HIP1: variants seen among roughly 807,000 people sequenced by gnomAD.
The protein encoded by HIP1 is huntingtin interacting protein 1.
A neutral mutation model predicts 147.6 loss-of-function variants in HIP1; 65 were observed. That is an observed-to-expected ratio of 0.44 (90% confidence interval 0.36 to 0.54). HIP1 has a LOEUF of 0.54. Among genes scored for constraint, HIP1 ranks in the 20% least tolerant of loss-of-function variants. HIP1 has a pLI of 0.00. For missense variants in HIP1, 1,061 were observed against 1,299.6 expected (o/e 0.82, Z 2.82); for synonymous variants, 479 against 504.0 (o/e 0.95, Z 0.67).
chr7:75,541,294 G>A (rs587696492), intron 29 of HIP1, among the ~76,000 whole-genome samples: 2 of 152,240 alleles, frequency 1.3e-5, no homozygotes, highest in Admixed American at 6.5e-5. Context: ...AGTTTGGGAG[G>A]CCAAGGCAGG....
At chr7:75,723,947 TATAG>T (rs1292166799) in intron 1 of HIP1, among the ~76,000 whole-genome samples, 9 of 133,668 alleles carry the variant, frequency 6.7e-5, no homozygotes, top group Non-Finnish European at 1.1e-4. Context: ...TTTATATATA[TATAG>T]AGAGAGAGAG....
At chr7:75,609,180 G>C (rs1797335108) in intron 1 of HIP1, among the ~76,000 whole-genome samples, 1 of 152,120 alleles carries the variant, frequency 6.6e-6, no homozygotes. Flanking sequence ...CTCTGGGGGG[G>C]CTCACAAGAG....
At chr7:75,730,978 G>T (rs574114019) in intron 1 of HIP1, among the ~76,000 whole-genome samples, 1 of 149,076 alleles carries the variant, frequency 6.7e-6, no homozygotes, top group African/African-American at 2.5e-5. Flanking sequence ...CAAGTGATCC[G>T]CCCGCCTCAG....
At chr7:75,731,478 C>CAAA (rs1214036700) in intron 1 of HIP1, among the ~76,000 whole-genome samples, 16 of 36,264 alleles carry the variant, frequency 4.4e-4, no homozygotes, top group South Asian at 1.1e-3. Context: ...GACTCCAACT[C>CAAA]AAAAAAAAAA....
At chr7:75,561,491 G>C in intron 12 of HIP1, 90 bp from the exon 13 acceptor site, 1 of 852,148 alleles carries the variant, frequency 1.2e-6, no homozygotes, top group Non-Finnish European at 2.0e-6. Flanking sequence ...TTAAAAGCTG[G>C]TATTAATTTG....
intron 1 of HIP1, among the ~76,000 whole-genome samples, chr7:75,644,773 A>G (rs1798752716): frequency 6.6e-6 from 1 of 152,080 alleles, no homozygotes; most frequent in Non-Finnish European, 1.5e-5. Flanking sequence ...ACACTAGCTG[A>G]GTGATTCCTC....
chr7:75,579,186 G>A (rs1795950329), intron 7 of HIP1, among the ~76,000 whole-genome samples: 2 of 152,038 alleles, frequency 1.3e-5, no homozygotes, highest in African/African-American at 4.8e-5. Context: ...ATAGCTTAGG[G>A]CATAGACTAG....
At chr7:75,639,627 G>C (rs1798579117) in intron 1 of HIP1, among the ~76,000 whole-genome samples, 1 of 151,786 alleles carries the variant, frequency 6.6e-6, no homozygotes, top group South Asian at 2.1e-4. Context: ...GCGTGTGCAT[G>C]CATGCGTGTG....
At chr7:75,593,874 T>C (rs1207214265) in intron 2 of HIP1, among the ~76,000 whole-genome samples, 3 of 151,962 alleles carry the variant, frequency 2.0e-5, no homozygotes, top group Non-Finnish European at 4.4e-5. Context: ...AGGGGCACCT[T>C]CAATCTCTCC....
chr7:75,581,367 C>T lies in HIP1; in HGVS notation c.543-69G>A. 7.9e-6 allele frequency: 9 copies of T among 1,133,308 alleles called. No homozygotes were observed. The East Asian group carries it at 9.8e-5, about 12-fold the overall frequency. The allele number at this position is 1,133,308 out of a possible 1,614,324, so 70.2% of individuals were successfully genotyped here. ...CCGGTCTGTTACCTGTCCCCTCCCCCACGCTCTACGCTACTCCAGTCTCCA... is the reference window on the plus strand; with the variant it reads ...CCGGTCTGTTACCTGTCCCCTCCCCTACGCTCTACGCTACTCCAGTCTCCA... On this transcript the variant is annotated intron_variant, in intron 6 of 30. Transcript: ENST00000336926.
chr7:75,550,105 A>G (rs587749686), intron 22 of HIP1, among the ~76,000 whole-genome samples: 17 of 152,316 alleles, frequency 1.1e-4, no homozygotes, highest in African/African-American at 3.6e-4. Context: ...CGTCTTGACC[A>G]CAGTTATGGT....
chr7:75,734,266 A>C (rs1801941559), intron 1 of HIP1, among the ~76,000 whole-genome samples: 1 of 150,002 alleles, frequency 6.7e-6, no homozygotes, highest in African/African-American at 2.5e-5. Context: ...ATAAATAAAT[A>C]AATAAATAAA....
At chr7:75,622,748 C>A (rs1797885383) in intron 1 of HIP1, among the ~76,000 whole-genome samples, 1 of 151,542 alleles carries the variant, frequency 6.6e-6, no homozygotes, top group Non-Finnish European at 1.5e-5. Context: ...GAGGCTGAGG[C>A]AAGAGGACAC....
intron 1 of HIP1, among the ~76,000 whole-genome samples, chr7:75,712,775 TACTC>T (rs1344382932): frequency 5.9e-5 from 9 of 152,140 alleles, no homozygotes; most frequent in Non-Finnish European, 1.2e-4. Context: ...CTCTCTCATT[TACTC>T]ATTCATTCAC....
chr7:75,556,591 G>A (rs587620456), intron 17 of HIP1, 119 bp downstream of exon 17: 115 of 675,782 alleles, frequency 1.7e-4, no homozygotes, highest in Non-Finnish European at 2.6e-4. Flanking sequence ...GGGCTAAGTG[G>A]GGAGGATCAC....
chr7:75,575,151 CTGTT>C (rs1795800226), intron 7 of HIP1, among the ~76,000 whole-genome samples: 1 of 150,346 alleles, frequency 6.7e-6, no homozygotes, highest in Non-Finnish European at 1.5e-5. Context: ...GAGTGAGACT[CTGTT>C]TCATAAATAA....
chr7:75,533,726 T>C lies in HIP1; in HGVS notation c.*4446A>G, dbSNP rs1052594403. The C allele has an allele frequency of 4.3e-6, 1 of 232,088 alleles. No individual in the cohort carries two copies. 14.4% of individuals were successfully genotyped at this position (232,088 alleles called of 1,614,324 possible). A position where few individuals can be genotyped will look rare whatever the true frequency, so the allele number is the denominator to read the frequency against. On this transcript the variant is annotated 3_prime_UTR_variant, in exon 31 of 31. Transcript: ENST00000336926. ...ACTCTCAGAATCGAACCCAACAGCA[T>C]TGAATTGTTTCCTGTTGCTTTGGCT...
intron 22 of HIP1, among the ~76,000 whole-genome samples, chr7:75,550,035 T>C (rs1036808298): frequency 1.3e-5 from 2 of 152,080 alleles, no homozygotes; most frequent in African/African-American, 4.8e-5. Flanking sequence ...TCCACAGTGA[T>C]CATATGAGGC....
chr7:75,685,672 C>A (rs1467090498), intron 1 of HIP1, among the ~76,000 whole-genome samples: 2 of 152,220 alleles, frequency 1.3e-5, no homozygotes, highest in East Asian at 3.8e-4. Flanking sequence ...CCTCAGCCTC[C>A]CACGTAGCTG....
Sources: allele counts gnomAD v4.1 joint callset (sites outside exome capture counted in the v4.1 genomes callset), GRCh38; gene constraint gnomAD v4.1.1; transcripts MANE v1.5; gene names NCBI Gene and HGNC (gene_info 2026-07-23, HGNC 2026-07-21).